NOVA2: variants seen among roughly 807,000 people sequenced by gnomAD.
The protein encoded by NOVA2 is NOVA alternative splicing regulator 2.
A neutral mutation model predicts 22.5 loss-of-function variants in NOVA2; 9 were observed. The observed-to-expected ratio is 0.40, with a 90% CI of 0.24 to 0.70. The LOEUF (loss-of-function observed/expected upper bound fraction) is 0.70. NOVA2 is among the 30% of genes least tolerant of loss of function. The pLI, the probability that NOVA2 is intolerant of heterozygous loss-of-function variation, is 0.38. For missense variants in NOVA2, 383 were observed against 682.8 expected, an observed-to-expected ratio of 0.56 and a Z score of 4.89; for synonymous variants, 318 against 335.2, an observed-to-expected ratio of 0.95 and a Z score of 0.56.
In NOVA2 at chr19:45,940,421, G is replaced by A; in HGVS notation, c.921C>T (p.Gly307=). 2.0e-6 allele frequency: 3 copies of A among 1,486,750 alleles called. No individual in the cohort carries two copies. Among genetic ancestry groups the A allele is most frequent in the Non-Finnish European group, 1.8e-6 (2 of 1,116,160 alleles). 92.1% of individuals were successfully genotyped at this position (1,486,750 alleles called of 1,614,324 possible). A position where few individuals can be genotyped will look rare whatever the true frequency, so the allele number is the denominator to read the frequency against. The part of the protein sequence containing the change: ...GLGLNSAAAS[G]VLAAVAAGAN... The stretch of plus-strand genomic sequence containing the variant: ...CCCCGGCGGCCACGGCGGCCAGGAC[G>A]CCGGAAGCTGCGGCCGAGTTGAGGC... Residue 307 remains glycine, a synonymous_variant, in exon 4 of 4, where the codon GGC becomes GGT. Coordinates refer to ENST00000263257, the MANE Select transcript of NOVA2 (RefSeq NM_002516.4).
intron 1 of NOVA2, 21 bp from the exon 2 acceptor site, chr19:45,961,174 G>C: frequency 6.3e-7 from 1 of 1,592,044 alleles, no homozygotes; most frequent in Non-Finnish European, 8.6e-7. Context: ...ACACAGGGTG[G>C]AGGGGAGTCA....
chr19:45,967,375 T>G (rs1257707515), intron 1 of NOVA2: 3 of 152,136 alleles, frequency 2.0e-5, no homozygotes, highest in African/African-American at 4.8e-5. Flanking sequence ...CCACCCTGTT[T>G]GAACAACCAA....
chr19:45,944,781 G>C (rs1243829041), intron 3 of NOVA2, among the ~76,000 whole-genome samples: 1 of 152,240 alleles, frequency 6.6e-6, no homozygotes, highest in African/African-American at 2.4e-5. Flanking sequence ...CAGGGAATGG[G>C]AGGAAGGGGA....
chr19:45,965,117 A>AT (rs1352314645), intron 1 of NOVA2, among the ~76,000 whole-genome samples: 1 of 152,098 alleles, frequency 6.6e-6, no homozygotes, highest in Non-Finnish European at 1.5e-5. Flanking sequence ...ACTCACGGAT[A>AT]TGTCCTCTTC....
Position 45,934,028 on chromosome 19 carries a change from G to A in NOVA2, c.*5835C>T, listed in dbSNP as rs1421899413. Reference sequence around the variant, plus strand: ...GAGGATGGAAGGAATCAGTTAGAGGGGGTTGAATGGAGGCACTGGAGGCAT... The same window carrying A: ...GAGGATGGAAGGAATCAGTTAGAGGAGGTTGAATGGAGGCACTGGAGGCAT... On this transcript the variant is annotated 3_prime_UTR_variant, in exon 4 of 4. Transcript: ENST00000263257. 6.6e-6 allele frequency: 1 copy of A among 152,454 alleles called. No individual in the cohort carries two copies. Among genetic ancestry groups the A allele is most frequent in the Non-Finnish European group, 1.5e-5 (1 of 68,240 alleles). 9.4% of individuals were successfully genotyped at this position (152,454 alleles called of 1,614,324 possible). A position where few individuals can be genotyped will look rare whatever the true frequency, so the allele number is the denominator to read the frequency against.
chr19:45,947,628 C>G (rs1026343115), intron 3 of NOVA2, among the ~76,000 whole-genome samples: 8 of 152,190 alleles, frequency 5.3e-5, no homozygotes, highest in Admixed American at 4.6e-4. Context: ...CACCCACCAC[C>G]ACGCCCGGCT....
chr19:45,957,864 C>T (rs943533700), intron 2 of NOVA2, among the ~76,000 whole-genome samples: 7 of 151,808 alleles, frequency 4.6e-5, no homozygotes, highest in Non-Finnish European at 7.4e-5. Flanking sequence ...TTTGGGAGGC[C>T]GAGGCGGGTG....
intron 1 of NOVA2, among the ~76,000 whole-genome samples, chr19:45,972,922 G>A (rs574608278): frequency 5.9e-5 from 9 of 151,986 alleles, no homozygotes; most frequent in South Asian, 2.1e-4. Context: ...ACGCGAGCTC[G>A]GGGAACACCC....
At chr19:45,967,936 C>T (rs1178523417) in intron 1 of NOVA2, 1 of 139,612 alleles carries the variant, frequency 7.2e-6, no homozygotes, top group East Asian at 2.0e-4. Context: ...CAGCAGGGCT[C>T]CATCTCAAAA....
At chr19:45,947,625 C>A (rs749611232) in intron 3 of NOVA2, among the ~76,000 whole-genome samples, 1 of 152,166 alleles carries the variant, frequency 6.6e-6, no homozygotes, top group Middle Eastern at 3.4e-3. Flanking sequence ...AGGCACCCAC[C>A]ACCACGCCCG....
At chr19:45,958,482 TGTGTGAATGA>T (rs974467034) in intron 2 of NOVA2, among the ~76,000 whole-genome samples, 4 of 148,556 alleles carry the variant, frequency 2.7e-5, no homozygotes, top group Middle Eastern at 3.5e-3. Flanking sequence ...GAGTGGGATG[TGTGTGAATGA>T]GTGTGAGTGT....
At position 45,973,708 on chromosome 19, in the gene NOVA2, G is replaced by C. The variant is rs1415609708; in HGVS notation, c.-357C>G. Among the ~76,000 whole-genome samples the C allele has an allele frequency of 1.3e-5, 2 of 149,374 alleles. No homozygotes were observed. Among genetic ancestry groups the C allele is most frequent in the Non-Finnish European group, 3.0e-5 (2 of 67,080 alleles). ...CTGACAGAGCCTGGAGAGCGGCCGTGAGCAGGATGGCAGGGCCGAGGGGGG... is the reference window on the plus strand; with the variant it reads ...CTGACAGAGCCTGGAGAGCGGCCGTCAGCAGGATGGCAGGGCCGAGGGGGG... On this transcript the variant is annotated 5_prime_UTR_variant, in exon 1 of 4. Coordinates refer to ENST00000263257, the MANE Select transcript of NOVA2 (RefSeq NM_002516.4).
At chr19:45,949,991 T>A (rs530896844) in intron 3 of NOVA2, among the ~76,000 whole-genome samples, 5 of 151,952 alleles carry the variant, frequency 3.3e-5, no homozygotes, top group Non-Finnish European at 5.9e-5. Flanking sequence ...TCCGCCCACC[T>A]CGGCTTCCCA....
intron 3 of NOVA2, among the ~76,000 whole-genome samples, chr19:45,944,371 G>A (rs1025505288): frequency 6.6e-6 from 1 of 152,116 alleles, no homozygotes; most frequent in Non-Finnish European, 1.5e-5. Context: ...GAGCCCAGGA[G>A]GTTGAGGCTG....
intron 3 of NOVA2, among the ~76,000 whole-genome samples, chr19:45,942,164 C>A (rs2267649): frequency 0.69 from 105,095 of 152,118 alleles, 36,896 homozygotes; most frequent in East Asian, 0.8. Context: ...TATGGGCTGA[C>A]ACTGTGTCCC....
chr19:45,959,879 G>A (rs1223002419), intron 2 of NOVA2, among the ~76,000 whole-genome samples: 1 of 151,646 alleles, frequency 6.6e-6, no homozygotes, highest in Non-Finnish European at 1.5e-5. Context: ...TACTGACCCT[G>A]GGCTCCAGCT....
intron 3 of NOVA2, among the ~76,000 whole-genome samples, chr19:45,941,751 A>T (rs533300655): frequency 1.2e-4 from 19 of 152,188 alleles, no homozygotes; most frequent in African/African-American, 4.1e-4. Context: ...ATTTTTTTTA[A>T]AAAAATTGAA....
chr19:45,966,324 C>T (rs938507218), intron 1 of NOVA2, among the ~76,000 whole-genome samples: 1 of 152,168 alleles, frequency 6.6e-6, no homozygotes, highest in African/African-American at 2.4e-5. Flanking sequence ...TCCTGAGCAC[C>T]CATGACCTTC....
rs562414905 is a variant in NOVA2 at position 45,968,656 on chromosome 19, A to C, written c.85+4611T>G. 1.2e-3 allele frequency among the ~76,000 whole-genome samples: 178 copies of C among 152,164 alleles called. 1 individual carries two copies. The highest frequency in any genetic ancestry group is 4.1e-3 in the African/African-American group (172 of 41,512). On this transcript the variant is annotated intron_variant, in intron 1 of 3. Coordinates refer to ENST00000263257, the MANE Select transcript of NOVA2 (RefSeq NM_002516.4). ...ACTTACCATCTACCAGCCTTACGCT[A>C]TGTGCTTCACATATGCAATCTCATC... is the stretch of plus-strand genomic sequence containing the variant.
Sources: gnomAD v4.1 joint callset for allele counts (sites outside exome capture counted in the v4.1 genomes callset) on GRCh38, gnomAD v4.1.1 for gene constraint, MANE v1.5 for transcripts, NCBI Gene and HGNC (gene_info 2026-07-23, HGNC 2026-07-21) for gene names.